The following TPRG1 variants were observed in gnomAD, a reference collection of about 807,000 sequenced individuals.
TPRG1 encodes the protein tumor protein p63 regulated 1, also known as tumor protein p63-regulated gene 1 protein.
A neutral mutation model predicts 29.3 loss-of-function variants in TPRG1; 29 were observed. The observed-to-expected ratio is 0.99, with a 90% confidence interval of 0.74 to 1.35. TPRG1 has a LOEUF of 1.35. TPRG1 is among the 40% of genes most tolerant of loss of function. TPRG1 has a pLI of 0.00. For synonymous variants in TPRG1, 130 were observed against 116.8 expected (o/e 1.11, Z -0.73); for missense variants, 327 against 335.0 (o/e 0.98, Z 0.19).
At chr3:189,104,540 G>A (rs1238972819) in intron 1 of TPRG1, among the ~76,000 whole-genome samples, 2 of 151,876 alleles carry the variant, frequency 1.3e-5, no homozygotes, top group Non-Finnish European at 2.9e-5. Flanking sequence ...CTGAGTTGGC[G>A]CATTCCCTAA....
intron 4 of TPRG1, among the ~76,000 whole-genome samples, chr3:189,025,611 G>A (rs912726313): frequency 2.0e-5 from 3 of 152,258 alleles, no homozygotes; most frequent in Admixed American, 6.5e-5. Context: ...ATACTGAAGC[G>A]AATTGTGTGT....
Position 189,043,443 on chromosome 3 carries a change from A to G in TPRG1, c.-463+19497A>G, listed in dbSNP as rs534461142. ...CTCAGTTTTTCCATTCACACAAATG[A>G]CAAGGTTGGACTGCATATCATGCAG... is the stretch of plus-strand genomic sequence containing the variant. On this transcript the variant is annotated intron_variant, in intron 4 of 10. Transcript: ENST00000433971. Among the ~76,000 whole-genome samples the G allele has an allele frequency of 7.9e-5, 12 of 152,292 alleles. No homozygotes were observed. The South Asian group carries it at 2.3e-3, about 29-fold the overall frequency.
At chr3:189,190,990 G>C (rs1731607530) in intron 1 of TPRG1, 2 of 985,202 alleles carry the variant, frequency 2.0e-6, no homozygotes, top group Non-Finnish European at 2.4e-6. Context: ...ATCACAGGTA[G>C]GTCTTTTAAT....
intron 1 of TPRG1, among the ~76,000 whole-genome samples, chr3:189,205,531 G>A (rs749292566): frequency 4.6e-5 from 7 of 152,142 alleles, no homozygotes; most frequent in African/African-American, 7.2e-5. Context: ...TTTCAAAAGC[G>A]GAAGCTTGCT....
intron 1 of TPRG1, among the ~76,000 whole-genome samples, chr3:189,199,428 T>C (rs1733090046): frequency 6.6e-6 from 1 of 152,172 alleles, no homozygotes; most frequent in African/African-American, 2.4e-5. Context: ...AATTTGAACA[T>C]TTTTCCCTCA....
At chr3:189,278,991 C>T (rs1273569503) in intron 4 of TPRG1, among the ~76,000 whole-genome samples, 1 of 152,186 alleles carries the variant, frequency 6.6e-6, no homozygotes, top group Non-Finnish European at 1.5e-5. Context: ...ATGTATTTGA[C>T]ATCAGAGTTG....
chr3:189,231,943 T>TTTTG (rs984741268), intron 3 of TPRG1, among the ~76,000 whole-genome samples: 2,108 of 147,702 alleles, frequency 0.014, 51 homozygotes, highest in African/African-American at 0.048. Flanking sequence ...CAAACCTGGT[T>TTTTG]TGTGTGTGTG....
chr3:189,307,786 G>A (rs1323718986), intron 4 of TPRG1, among the ~76,000 whole-genome samples: 1 of 152,156 alleles, frequency 6.6e-6, no homozygotes, highest in East Asian at 1.9e-4. Context: ...GCTTCCAAGA[G>A]CCCTTCTAGC....
chr3:189,240,301 T>C lies in TPRG1; in HGVS notation c.479+1392T>C, dbSNP rs1283302244. 6 of 152,160 alleles carry C rather than the reference T, an allele frequency of 3.9e-5. No homozygotes were observed. The East Asian group carries it at 1.2e-3, about 29-fold the overall frequency. The allele number at this position is 152,160 out of a possible 1,614,324, so 9.4% of individuals were successfully genotyped here. ...CAAAAATGTTCATTTTCAGGAACTCTCTCTTCTACACCAGACCCTCGGTTC... is the reference window on the plus strand; with the variant it reads ...CAAAAATGTTCATTTTCAGGAACTCCCTCTTCTACACCAGACCCTCGGTTC... On this transcript the variant is annotated intron_variant, in intron 4 of 5. Transcript: ENST00000345063.
chr3:189,119,275 G>A (rs1056598966), intron 1 of TPRG1, among the ~76,000 whole-genome samples: 6 of 152,210 alleles, frequency 3.9e-5, no homozygotes, highest in Non-Finnish European at 8.8e-5. Flanking sequence ...TAGAATGGGT[G>A]TATTTACCCA....
intron 1 of TPRG1, among the ~76,000 whole-genome samples, chr3:189,203,471 G>A (rs1733817038): frequency 6.6e-6 from 1 of 152,022 alleles, no homozygotes; most frequent in African/African-American, 2.4e-5. Flanking sequence ...AAATTATTCA[G>A]TGGAACATTC....
chr3:189,177,292 T>C (rs1218180968), intron 1 of TPRG1, among the ~76,000 whole-genome samples: 1 of 151,978 alleles, frequency 6.6e-6, no homozygotes, highest in Non-Finnish European at 1.5e-5. Context: ...GGAGCTTACT[T>C]ATGGACAGGT....
rs570213999 is a variant in TPRG1 at position 189,310,890 on chromosome 3, G to A, written c.633+351G>A. On this transcript the variant is annotated intron_variant, in intron 5 of 5. Transcript: ENST00000345063. ...TGTGGAATAGTATAAAGCATAGTTC[G>A]ATGAGGTTCTATGGTCATGCTCGAT... Among the ~76,000 whole-genome samples the A allele has an allele frequency of 4.3e-4, 65 of 152,120 alleles. No homozygotes were observed. In the South Asian group the frequency reaches 7.1e-3, roughly 17 times the overall value.
intron 1 of TPRG1, among the ~76,000 whole-genome samples, chr3:189,178,876 A>T (rs1049808001): frequency 2.0e-5 from 3 of 152,226 alleles, no homozygotes; most frequent in African/African-American, 7.2e-5. Flanking sequence ...TGTCTCCTAA[A>T]CTGACAGTGA....
chr3:189,128,809 G>A (rs1365456478), intron 2 of TPRG1, among the ~76,000 whole-genome samples: 1 of 152,050 alleles, frequency 6.6e-6, no homozygotes, highest in Non-Finnish European at 1.5e-5. Flanking sequence ...CGCTCTTGTT[G>A]TCCAGGCTGG....
At chr3:189,253,630 T>A (rs546712544) in intron 4 of TPRG1, among the ~76,000 whole-genome samples, 138 of 152,340 alleles carry the variant, frequency 9.1e-4, no homozygotes, top group Non-Finnish European at 1.8e-3. Flanking sequence ...GTGGGATTTC[T>A]GGGTCAAATG....
intron 3 of TPRG1, among the ~76,000 whole-genome samples, chr3:189,221,228 T>C (rs977158279): frequency 1.3e-5 from 2 of 152,240 alleles, no homozygotes; most frequent in African/African-American, 4.8e-5. Context: ...AAGTCTCTTC[T>C]TCATTTAGAT....
intron 3 of TPRG1, among the ~76,000 whole-genome samples, chr3:189,135,540 T>A (rs950118878): frequency 3.9e-5 from 6 of 152,220 alleles, no homozygotes; most frequent in African/African-American, 1.2e-4. Flanking sequence ...TCTGTCTACA[T>A]CTATCCTCTA....
chr3:189,153,935 G>A (rs1053612639), intron 5 of TPRG1, among the ~76,000 whole-genome samples: 5 of 152,204 alleles, frequency 3.3e-5, no homozygotes, highest in African/African-American at 1.2e-4. Context: ...ATAATTGCTG[G>A]CCAGGACAGC....
Sources: gnomAD v4.1 joint callset for allele counts (sites outside exome capture counted in the v4.1 genomes callset) on GRCh38, gnomAD v4.1.1 for gene constraint, MANE v1.5 for transcripts, NCBI Gene and HGNC (gene_info 2026-07-23, HGNC 2026-07-21) for gene names.